Variants in ZNF316 observed in about 807,000 individuals in gnomAD.
ZNF316 encodes zinc finger protein 316.
Under a neutral mutation model 75.6 loss-of-function variants are expected in ZNF316, and 23 were observed. The observed-to-expected ratio is 0.30, with a 90% CI of 0.22 to 0.43. The LOEUF (loss-of-function observed/expected upper bound fraction) is 0.43, where lower values mean the gene tolerates loss of function less well. Among genes scored for constraint, ZNF316 ranks in the 20% least tolerant of loss-of-function variants. The probability of loss-of-function intolerance (pLI) is 1.00; values close to 1 mark genes in which losing one functional copy is unlikely to be tolerated. For missense variants in ZNF316, 1,266 were observed against 1,409.4 expected, an observed-to-expected ratio of 0.90 and a Z score of 1.63; for synonymous variants, 827 against 666.2, an observed-to-expected ratio of 1.24 and a Z score of -3.72.
rs1421416557 is a variant in ZNF316 at position 6,658,067 on chromosome 7, C to T, written c.*3456C>T. Among the ~76,000 whole-genome samples the T allele has an allele frequency of 3.9e-5, 6 of 152,054 alleles. No homozygotes were observed. Among genetic ancestry groups the T allele is most frequent in the Non-Finnish European group, 7.4e-5 (5 of 68,022 alleles). On this transcript the variant is annotated 3_prime_UTR_variant, in exon 9 of 9. Coordinates refer to ENST00000382252, the MANE Select transcript of ZNF316 (RefSeq NM_001278559.2). The stretch of plus-strand genomic sequence containing the variant: ...GTCCCTCAGCCCTGAGCGTCACTTT[C>T]CCCTCCATCTACCTTTGTTATTTCC...
Position 6,653,870 on chromosome 7 carries a change from C to T in ZNF316, c.2274C>T (p.Arg758=), listed in dbSNP as rs1447321086. The T allele has an allele frequency of 8.3e-6, 9 of 1,087,300 alleles. No homozygotes were observed. Among genetic ancestry groups the T allele is most frequent in the African/African-American group, 6.9e-5 (4 of 57,936 alleles). 67.4% of individuals were successfully genotyped at this position (1,087,300 alleles called of 1,614,324 possible). The change falls in exon 9 of 9, where the codon CGC becomes CGT. Residue 758 remains arginine, a synonymous_variant. Transcript: ENST00000382252. ...CCGAGTGCGGCGCGCGGTTCGCCCG[C>T]GGCTCGCACTTGGCGGCGCACGTGC... ...PCPECGARFA[R]GSHLAAHVRG...
chr7:6,641,704 C>T (rs1583439866), intron 3 of ZNF316, 121 bp from the exon 4 acceptor site: 1 of 152,356 alleles, frequency 6.6e-6, no homozygotes, highest in East Asian at 1.9e-4. Flanking sequence ...CATTTCCTGT[C>T]CTCCTGATGG....
chr7:6,654,431 C>G lies in ZNF316; in HGVS notation c.2835C>G (p.Gly945=). The G allele has an allele frequency of 1.7e-6, 2 of 1,207,334 alleles. No homozygotes were observed. The highest frequency in any genetic ancestry group is 4.1e-5 in the South Asian group (1 of 24,190). The allele number at this position is 1,207,334 out of a possible 1,614,324, so 74.8% of individuals were successfully genotyped here. Residue 945 remains glycine, a synonymous_variant, in exon 9 of 9, where the codon GGC becomes GGG. Transcript: ENST00000382252. The part of the protein sequence containing the change: ...KTHRGATAAP[G]SGSAPAPAPK... ...ACCGCGGAGCCACCGCAGCGCCGGG[C>G]TCGGGTTCGGCCCCAGCCCCCGCGC...
intron 8 of ZNF316, among the ~76,000 whole-genome samples, chr7:6,645,223 A>G (rs533260809): frequency 2.6e-5 from 4 of 152,076 alleles, no homozygotes; most frequent in African/African-American, 9.6e-5. Context: ...CCACTGGGGG[A>G]CGCCACATTG....
intron 3 of ZNF316, among the ~76,000 whole-genome samples, chr7:6,641,043 G>C (rs2254249): frequency 0.59 from 90,503 of 152,114 alleles, 27,724 homozygotes; most frequent in South Asian, 0.82. Context: ...ACACAGCTGC[G>C]CTAATTGATA....
chr7:6,644,441 AC>A, intron 7 of ZNF316, 38 bp from the exon 8 acceptor site: 2 of 1,171,230 alleles, frequency 1.7e-6, no homozygotes, highest in Non-Finnish European at 2.1e-6. Flanking sequence ...GGGAGGGCCC[AC>A]GGGAGCCGCC....
Position 6,657,773 on chromosome 7 carries a change from GAACTAT to G in ZNF316, c.*3163_*3168del, listed in dbSNP as rs1338138218. ...GAGCCTGGGAGGCAGAGGCTGCAGT[GAACTAT>G]GATTTTTCCATTGCACTCCAGCCTG... On this transcript the variant is annotated 3_prime_UTR_variant, in exon 9 of 9. Transcript: ENST00000382252. 1.7e-5 allele frequency among the ~76,000 whole-genome samples: 2 copies of G among 121,106 alleles called. No individual in the cohort carries two copies. The highest frequency in any genetic ancestry group is 3.2e-5 in the Non-Finnish European group (2 of 63,184). 79.5% of individuals were successfully genotyped at this position (121,106 alleles called of 152,430 possible).
At chr7:6,644,949 GT>G (rs1779373213) in intron 8 of ZNF316, among the ~76,000 whole-genome samples, 1 of 152,216 alleles carries the variant, frequency 6.6e-6, no homozygotes, top group Non-Finnish European at 1.5e-5. Flanking sequence ...AGTGCTAGCC[GT>G]TCCTCCTGCT....
chr7:6,654,671 C>A lies in ZNF316; in HGVS notation c.*60C>A, dbSNP rs1487028251. The A allele has an allele frequency of 5.2e-6, 6 of 1,144,378 alleles. No homozygotes were observed. The East Asian group carries it at 2.1e-4, about 40-fold the overall frequency. 70.9% of individuals were successfully genotyped at this position (1,144,378 alleles called of 1,614,324 possible). ...GCCACCGGCCCCTCCCTTGGACGGC[C>A]GGCCCCCCGCTCCTCGGGCCCCGGG... On this transcript the variant is annotated 3_prime_UTR_variant, in exon 9 of 9. Coordinates refer to ENST00000382252, the MANE Select transcript of ZNF316 (RefSeq NM_001278559.2).
At position 6,653,091 on chromosome 7, in the gene ZNF316, G is replaced by A. The variant is rs1779541489; in HGVS notation, c.1495G>A (p.Asp499Asn). 3 of 1,193,330 alleles carry A rather than the reference G, an allele frequency of 2.5e-6. No homozygotes were observed. The highest frequency in any genetic ancestry group is 3.1e-6 in the Non-Finnish European group (3 of 964,170). 73.9% of individuals were successfully genotyped at this position (1,193,330 alleles called of 1,614,324 possible). A position where few individuals can be genotyped will look rare whatever the true frequency, so the allele number is the denominator to read the frequency against. Residue 499 changes from aspartate to asparagine, a missense_variant, in exon 9 of 9, where the codon GAC becomes AAC. Transcript: ENST00000382252. ...CGGCCAGGCCTTCCGCCTGCGCGCC[G>A]ACTTCCAGCGCCACCGACGCGGCGG... ...DCGQAFRLRA[D>N]FQRHRRGGGC...
At chr7:6,649,197 G>A (rs910489330) in intron 8 of ZNF316, among the ~76,000 whole-genome samples, 39 of 152,142 alleles carry the variant, frequency 2.6e-4, no homozygotes, top group Non-Finnish European at 1.3e-4. Flanking sequence ...CTGAGCCCTT[G>A]TGGTCCCTCT....
chr7:6,644,511 C>G lies in ZNF316; in HGVS notation c.624C>G (p.Phe208Leu). Residue 208 changes from phenylalanine to leucine, a missense_variant, in exon 8 of 9, where the codon TTC (phenylalanine) becomes TTG (leucine). Coordinates refer to ENST00000382252, the MANE Select transcript of ZNF316 (RefSeq NM_001278559.2). ...CAATTCCCAAGCCCGATCTGATCTTCCGGCTGGAACAAGGGGAAGAACCTT... is the reference window on the plus strand; with the variant it reads ...CAATTCCCAAGCCCGATCTGATCTTGCGGCTGGAACAAGGGGAAGAACCTT... ...GYPIPKPDLI[F>L]RLEQGEEPWV... 8.1e-7 allele frequency: 1 copy of G among 1,232,270 alleles called. No individual in the cohort carries two copies. The allele number at this position is 1,232,270 out of a possible 1,614,324, so 76.3% of individuals were successfully genotyped here.
At position 6,653,317 on chromosome 7, in the gene ZNF316, C is replaced by T. The variant is rs2115320369; in HGVS notation, c.1721C>T (p.Pro574Leu). The T allele has an allele frequency of 1.6e-6, 2 of 1,226,744 alleles. No individual in the cohort carries two copies. The highest frequency in any genetic ancestry group is 4.3e-5 in the Admixed American group (1 of 23,466). The allele number at this position is 1,226,744 out of a possible 1,614,324, so 76.0% of individuals were successfully genotyped here. Residue 574 changes from proline (P) to leucine (L), a missense_variant, in exon 9 of 9, where the codon CCG (proline) becomes CTG (leucine). Physicochemically the swap from Pro to Leu is moderately conservative, Grantham distance 98 (BLOSUM62 -3). Transcript: ENST00000382252. Reference protein sequence around the residue: ...PTPSGKVDPAPERRFLELGNG... With the variant: ...PTPSGKVDPALERRFLELGNG... ...CCCAGCGGCAAGGTGGACCCCGCGC[C>T]GGAACGGCGCTTCCTGGAGCTGGGC...
rs1779302177 is a variant in ZNF316, at chr7:6,640,934, T to C, written c.-166-891T>C. 6.6e-6 allele frequency among the ~76,000 whole-genome samples: 1 copy of C among 152,180 alleles called. No individual in the cohort carries two copies. On this transcript the variant is annotated intron_variant, in intron 3 of 8. Coordinates refer to ENST00000382252, the MANE Select transcript of ZNF316 (RefSeq NM_001278559.2). The surrounding 1 kb of genome is among the most constrained non-coding windows in gnomAD (Gnocchi z 5.1). The stretch of plus-strand genomic sequence containing the variant: ...TCCCCAGAAACAGATGCCGGCGCCA[T>C]GTTGGTGCAGCCTGTTGAACTGTGA...
chr7:6,652,721 C>T lies in ZNF316; in HGVS notation c.1125C>T (p.Cys375=). Residue 375 remains cysteine (C), a synonymous_variant, in exon 9 of 9, where the codon TGC becomes TGT. Transcript: ENST00000382252. ...ACGCGGCCGTCAAGCCCTTCGGCTGCGAGGAGTGCGGCAAGGGCTTCGTGT... is the reference window on the plus strand; with the variant it reads ...ACGCGGCCGTCAAGCCCTTCGGCTGTGAGGAGTGCGGCAAGGGCTTCGTGT... ...RYHAAVKPFG[C]EECGKGFVYR... 1 of 1,242,440 alleles carries T rather than the reference C, an allele frequency of 8.0e-7. No homozygotes were observed. The highest frequency in any genetic ancestry group is 1.0e-6 in the Non-Finnish European group (1 of 992,694). 77.0% of individuals were successfully genotyped at this position (1,242,440 alleles called of 1,614,324 possible).
Position 6,642,953 on chromosome 7 carries a change from T to C in ZNF316, c.356-11T>C. The C allele has an allele frequency of 8.1e-7, 1 of 1,230,906 alleles. No individual in the cohort carries two copies. The highest frequency in any genetic ancestry group is 1.0e-6 in the Non-Finnish European group (1 of 987,964). The allele number at this position is 1,230,906 out of a possible 1,614,324, so 76.2% of individuals were successfully genotyped here. ...TCAGGGCAGCTGGCCCTAAGAGATC[T>C]CTCCCCACAGGCCTGCAGGCCTCCC... On this transcript the variant is annotated splice_polypyrimidine_tract_variant and intron_variant, in intron 5 of 8. Coordinates refer to ENST00000382252, the MANE Select transcript of ZNF316 (RefSeq NM_001278559.2). The surrounding 1 kb of genome is among the most constrained non-coding windows in gnomAD (Gnocchi z 8.1).
Position 6,642,517 on chromosome 7 carries a change from A to G in ZNF316, c.108A>G (p.Glu36=), listed in dbSNP as rs1324812631. The change falls in exon 5 of 9, where the codon GAA becomes GAG. Residue 36 remains glutamate, a synonymous_variant. Transcript: ENST00000382252. This position sits in a 1 kb window ranked among gnomAD's most constrained non-coding sequence, Gnocchi z 8.1. ...PDQEEEEEEE[E]KGEEVQEVEE... The stretch of plus-strand genomic sequence containing the variant: ...AGGAAGAAGAGGAGGAGGAGGAGGA[A>G]AAGGGGGAAGAGGTGCAGGAGGTGG... The G allele has an allele frequency of 3.3e-6, 4 of 1,228,576 alleles. No homozygotes were observed. The highest frequency in any genetic ancestry group is 8.5e-5 in the Admixed American group (2 of 23,662). 76.1% of individuals were successfully genotyped at this position (1,228,576 alleles called of 1,614,324 possible). A position where few individuals can be genotyped will look rare whatever the true frequency, so the allele number is the denominator to read the frequency against.
intron 8 of ZNF316, among the ~76,000 whole-genome samples, chr7:6,651,423 G>A (rs1032663257): frequency 6.6e-6 from 1 of 152,172 alleles, no homozygotes; most frequent in Non-Finnish European, 1.5e-5. Flanking sequence ...GGGAGGCCGA[G>A]GTGGGCAGAT....
chr7:6,644,909 A>T (rs57990562), intron 8 of ZNF316, among the ~76,000 whole-genome samples: 1 of 152,222 alleles, frequency 6.6e-6, no homozygotes. Context: ...GGAGCCCAGC[A>T]CGCCATCGCG....
Sources: allele counts gnomAD v4.1 joint callset (sites outside exome capture counted in the v4.1 genomes callset), GRCh38; gene constraint gnomAD v4.1.1; non-coding constraint Gnocchi (gnomAD v3.1); transcripts MANE v1.5; gene names NCBI Gene and HGNC (gene_info 2026-07-23, HGNC 2026-07-21).